The following CUL9 variants were observed in gnomAD, a reference collection of about 807,000 sequenced individuals.
CUL9 encodes the protein cullin-9.
In CUL9, 79 loss-of-function variants were observed where a neutral mutation model predicts 272.6. That is an observed-to-expected ratio of 0.29 (90% CI 0.24 to 0.35). The LOEUF is 0.35. CUL9 is among the 10% of genes least tolerant of loss of function. CUL9 has a pLI of 1.00. For missense variants in CUL9, 2,532 were observed against 3,255.6 expected (o/e 0.78, Z 5.41); for synonymous variants, 1,186 against 1,286.5 (o/e 0.92, Z 1.67).
rs1772742295 is a variant in CUL9 at position 43,184,562 on chromosome 6, A to G, written c.252A>G (p.Ala84=). 1 of 1,613,272 alleles carries G rather than the reference A, an allele frequency of 6.2e-7. No homozygotes were observed. The highest frequency in any genetic ancestry group is 8.5e-7 in the Non-Finnish European group (1 of 1,179,352). The change falls in exon 2 of 41, where the codon GCA becomes GCG. Residue 84 remains alanine (A), a synonymous_variant. Coordinates refer to ENST00000252050, the MANE Select transcript of CUL9 (RefSeq NM_015089.4). The surrounding 1 kb of genome is among the most constrained non-coding windows in gnomAD (Gnocchi z 4.8). ...GCCCTGGGCTGTTAGGTGAGCGGGC[A>G]CTATCTAAGGGACTTCAGCACGAAC... ...ANCPGLLGER[A]LSKGLQHEPA... is the part of the protein sequence containing the mutation.
rs1180721566 is a variant in CUL9, at chr6:43,206,751, T to C, written c.5212+241T>C. On this transcript the variant is annotated intron_variant, in intron 26 of 40. Transcript: ENST00000252050. This position sits in a 1 kb window ranked among gnomAD's most constrained non-coding sequence, Gnocchi z 4.8. ...AGTGAGGTGCTTATTTGATTTTTAG[T>C]CTTTTCAGACTTTTTTCCAAATAAA... 6.6e-6 allele frequency among the ~76,000 whole-genome samples: 1 copy of C among 152,236 alleles called. No homozygotes were observed. Among genetic ancestry groups the C allele is most frequent in the African/African-American group, 2.4e-5 (1 of 41,460 alleles).
In CUL9 at chr6:43,199,863, C is replaced by T. The variant is rs16896330; in HGVS notation, c.3157-66C>T. 7.7e-7 allele frequency: 1 copy of T among 1,300,736 alleles called. No homozygotes were observed. The highest frequency in any genetic ancestry group is 2.3e-5 in the East Asian group (1 of 43,020). The allele number at this position is 1,300,736 out of a possible 1,614,324, so 80.6% of individuals were successfully genotyped here. A position where few individuals can be genotyped will look rare whatever the true frequency, so the allele number is the denominator to read the frequency against. Reference sequence around the variant, plus strand: ...CACGACACTTCCTTTACTGAACCCTCTCCTCAATCCTTACATGTCCTACCT... The same window carrying T: ...CACGACACTTCCTTTACTGAACCCTTTCCTCAATCCTTACATGTCCTACCT... On this transcript the variant is annotated intron_variant, in intron 13 of 40. Coordinates refer to ENST00000252050, the MANE Select transcript of CUL9 (RefSeq NM_015089.4). The surrounding 1 kb of genome is among the most constrained non-coding windows in gnomAD (Gnocchi z 4.4).
In CUL9 at chr6:43,213,349, TCTC is replaced by T. The variant is rs529664308; in HGVS notation, c.5358+61_5358+63del. The T allele has an allele frequency of 4.5e-4, 719 of 1,611,244 alleles. 9 individuals are homozygous for T. The South Asian group carries it at 5.3e-3, about 12-fold the overall frequency. ...TCTCTGCTACCTTATCTGTCGCTGT[TCTC>T]CTCCTAAACCCTGTTCCTCCTTCAT... On this transcript the variant is annotated intron_variant, in intron 27 of 40. Coordinates refer to ENST00000252050, the MANE Select transcript of CUL9 (RefSeq NM_015089.4). This position sits in a 1 kb window ranked among gnomAD's most constrained non-coding sequence, Gnocchi z 5.7.
Position 43,184,659 on chromosome 6 carries a change from G to A in CUL9, c.349G>A (p.Ala117Thr), listed in dbSNP as rs761689467. The stretch of plus-strand genomic sequence containing the variant: ...TGAAGTGGCAATGGGAGAGATGGAG[G>A]CTGATGTTCAGGCGCTGGTACGCAG... ...LDEVAMGEMEADVQALVRRAA... is the reference protein window; with the variant it reads ...LDEVAMGEMETDVQALVRRAA... The change falls in exon 2 of 41, where the codon GCT becomes ACT. Residue 117 changes from alanine (A) to threonine (T), a missense_variant. Ala to Thr is a moderately conservative substitution (Grantham distance 58). Coordinates refer to ENST00000252050, the MANE Select transcript of CUL9 (RefSeq NM_015089.4). This position sits in a 1 kb window ranked among gnomAD's most constrained non-coding sequence, Gnocchi z 4.8. 6 of 1,611,586 alleles carry A rather than the reference G, an allele frequency of 3.7e-6. No homozygotes were observed. The highest frequency in any genetic ancestry group is 2.7e-5 in the African/African-American group (2 of 74,904).
intron 8 of CUL9, chr6:43,188,997 G>A (rs187212740): frequency 7.6e-5 from 20 of 264,650 alleles, no homozygotes; most frequent in Non-Finnish European, 7.1e-5. Context: ...CTATATGGGT[G>A]AGGAAACTGA....
At position 43,216,315 on chromosome 6, in the gene CUL9, C is replaced by T. The variant is rs1163715749; in HGVS notation, c.6094C>T (p.His2032Tyr). 6.2e-7 allele frequency: 1 copy of T among 1,614,044 alleles called. No individual in the cohort carries two copies. The highest frequency in any genetic ancestry group is 8.5e-7 in the Non-Finnish European group (1 of 1,180,026). The change falls in exon 31 of 41, where the codon CAC becomes TAC. Residue 2032 changes from histidine to tyrosine, a missense_variant. Physicochemically the swap from His to Tyr is moderately conservative, Grantham distance 83. This residue lies in a region of CUL9 where 2,218 missense variants were observed against 2,788.6 expected (regional missense o/e 0.80). Coordinates refer to ENST00000252050, the MANE Select transcript of CUL9 (RefSeq NM_015089.4). ...CGCTCAGCACCTTTTGGCTCATTCC[C>T]ACTGGGGCGCTGAACAGCTGCTGCA... The part of the protein sequence containing the change: ...DVAQHLLAHS[H>Y]WGAEQLLQSY...
chr6:43,207,935 A>C (rs1328903581), intron 26 of CUL9, among the ~76,000 whole-genome samples: 1 of 152,234 alleles, frequency 6.6e-6, no homozygotes, highest in Non-Finnish European at 1.5e-5. Context: ...TTGATCTACT[A>C]CTGAGAGAGG....
intron 7 of CUL9, 99 bp downstream of exon 7, chr6:43,188,217 T>C (rs1188036458): frequency 2.8e-6 from 4 of 1,423,230 alleles, no homozygotes; most frequent in Non-Finnish European, 3.8e-6. Context: ...TGGAGGAAGG[T>C]GATTTTTGCA....
At chr6:43,201,830 A>G (rs1348079500) in intron 16 of CUL9, among the ~76,000 whole-genome samples, 1 of 152,254 alleles carries the variant, frequency 6.6e-6, no homozygotes, top group African/African-American at 2.4e-5. Context: ...AAAGTAGGCA[A>G]AGGCAGATCA....
intron 8 of CUL9, among the ~76,000 whole-genome samples, chr6:43,189,522 C>T (rs1162671074): frequency 6.6e-6 from 1 of 151,966 alleles, no homozygotes; most frequent in Non-Finnish European, 1.5e-5. Flanking sequence ...ACAACTTATT[C>T]TCATTCTATT....
chr6:43,198,449 G>A (rs1774207077), intron 11 of CUL9, 160 bp from the exon 12 acceptor site: 2 of 984,966 alleles, frequency 2.0e-6, no homozygotes, highest in Admixed American at 6.2e-5. Flanking sequence ...TGTATTTGGG[G>A]TCAGGAAAGA....
At chr6:43,191,507 C>CTTTTTTTTTTTTTTTTTTTTTTTTTTTTT (rs1554167922) in intron 8 of CUL9, among the ~76,000 whole-genome samples, 87 of 73,114 alleles carry the variant, frequency 1.2e-3, no homozygotes, top group Non-Finnish European at 1.5e-3. Context: ...TTTTTTTTTA[C>CTTTTTTTTTTTTTTTTTTTTTTTTTTTTT]TTTTTGTAGA....
rs1035114650 is a variant in CUL9, at chr6:43,198,392, C to T, written c.2804-217C>T. The T allele has an allele frequency of 2.4e-5, 24 of 982,824 alleles. No individual in the cohort carries two copies. In the African/African-American group the frequency reaches 3.0e-4, roughly 12 times the overall value. The allele number at this position is 982,824 out of a possible 1,614,324, so 60.9% of individuals were successfully genotyped here. ...GATTTAAAATGTCTTGTGTTTAACTCGACAGTGTTTGCTATACTAGGTTTT... is the reference window on the plus strand; with the variant it reads ...GATTTAAAATGTCTTGTGTTTAACTTGACAGTGTTTGCTATACTAGGTTTT... On this transcript the variant is annotated intron_variant, in intron 11 of 40. Coordinates refer to ENST00000252050, the MANE Select transcript of CUL9 (RefSeq NM_015089.4).
At position 43,186,909 on chromosome 6, in the gene CUL9, A is replaced by G. The variant is rs779958650; in HGVS notation, c.1252-51A>G. 2.0e-5 allele frequency: 32 copies of G among 1,599,716 alleles called. No individual in the cohort carries two copies. In the East Asian group the frequency reaches 6.9e-4, roughly 35 times the overall value. On this transcript the variant is annotated intron_variant, in intron 4 of 40. Transcript: ENST00000252050. The stretch of plus-strand genomic sequence containing the variant: ...TTCAAGCCTTCACAGGCCAAGGCTC[A>G]GAGGGTTGAGCCTTCTCTATTCTGC...
At position 43,213,408 on chromosome 6, in the gene CUL9, G is replaced by A. The variant is rs779352135; in HGVS notation, c.5359-30G>A. 4 of 1,612,328 alleles carry A rather than the reference G, an allele frequency of 2.5e-6. No individual in the cohort carries two copies. In the Admixed American group the frequency reaches 6.7e-5, roughly 27 times the overall value. On this transcript the variant is annotated intron_variant, in intron 27 of 40. Coordinates refer to ENST00000252050, the MANE Select transcript of CUL9 (RefSeq NM_015089.4). This position sits in a 1 kb window ranked among gnomAD's most constrained non-coding sequence, Gnocchi z 5.7. ...CTCCCCTCTTCCTTTTCTTTCCTTT[G>A]ACTCCTGACTGGGCGTTTCTGCTCA... is the stretch of plus-strand genomic sequence containing the variant.
rs1776457614 is a variant in CUL9 at position 43,222,521 on chromosome 6, C to G, written c.6922-10C>G. 6.2e-7 allele frequency: 1 copy of G among 1,613,702 alleles called. No individual in the cohort carries two copies. Among genetic ancestry groups the G allele is most frequent in the Admixed American group, 1.7e-5 (1 of 59,992 alleles). On this transcript the variant is annotated splice_polypyrimidine_tract_variant and intron_variant, in intron 36 of 40. Transcript: ENST00000252050. The stretch of plus-strand genomic sequence containing the variant: ...CCTGTGCTGGTACTGATACACCTTC[C>G]TCCACACAGGAGTTTGCTGTGAACT...
intron 26 of CUL9, among the ~76,000 whole-genome samples, chr6:43,209,439 G>A (rs2150602240): frequency 6.6e-6 from 1 of 151,938 alleles, no homozygotes; most frequent in African/African-American, 2.4e-5. Flanking sequence ...GTGAGCCACC[G>A]TGCCCGGCCA....
At position 43,213,896 on chromosome 6, in the gene CUL9, A is replaced by T. The variant is rs762382257; in HGVS notation, c.5672A>T (p.Asp1891Val). ...CATGGGGAAAAGGGCCTCCACATTG[A>T]TCAGCTGGTTTGTCTGGTAGGCAGA... ...KAHGEKGLHI[D>V]QLVCLVLEAW... The change falls in exon 29 of 41, where the codon GAT becomes GTT. Residue 1891 changes from aspartate to valine, a missense_variant. This residue lies in a region of CUL9 where 2,218 missense variants were observed against 2,788.6 expected (regional missense o/e 0.80). Coordinates refer to ENST00000252050, the MANE Select transcript of CUL9 (RefSeq NM_015089.4). The surrounding 1 kb of genome is among the most constrained non-coding windows in gnomAD (Gnocchi z 5.7). The T allele has an allele frequency of 1.2e-6, 2 of 1,613,894 alleles. No homozygotes were observed. The highest frequency in any genetic ancestry group is 1.1e-5 in the South Asian group (1 of 91,088).
In CUL9 at chr6:43,223,820, C is replaced by T; in HGVS notation, c.7285-275C>T. 1.8e-6 allele frequency: 1 copy of T among 540,830 alleles called. No individual in the cohort carries two copies. The highest frequency in any genetic ancestry group is 3.3e-5 in the East Asian group (1 of 30,716). The allele number at this position is 540,830 out of a possible 1,614,324, so 33.5% of individuals were successfully genotyped here. On this transcript the variant is annotated intron_variant, in intron 39 of 40. Transcript: ENST00000252050. This position sits in a 1 kb window ranked among gnomAD's most constrained non-coding sequence, Gnocchi z 4.1. ...GAGTCTAAACTGTGAGTCCTGTCCT[C>T]AGGTTGCTTACTGACTGGTAAGTCA...
Sources: allele counts gnomAD v4.1 joint callset (sites outside exome capture counted in the v4.1 genomes callset), GRCh38; gene constraint gnomAD v4.1.1; regional missense constraint gnomAD v4.1.1; non-coding constraint Gnocchi (gnomAD v3.1); transcripts MANE v1.5; gene names NCBI Gene and HGNC (gene_info 2026-07-23, HGNC 2026-07-21).